RIMS2: variants seen among roughly 807,000 people sequenced by gnomAD.
RIMS2 encodes the protein regulating synaptic membrane exocytosis 2, also known as regulating synaptic membrane exocytosis protein 2.
A neutral mutation model predicts 174.4 loss-of-function variants in RIMS2; 59 were observed. The ratio of observed to expected loss-of-function variants is 0.34; its 90% confidence interval spans 0.27 to 0.42. The LOEUF is 0.42. Ranked by LOEUF, RIMS2 falls within the 10% of genes least tolerant of loss-of-function variation. The pLI is 1.00. For missense variants in RIMS2, 1,620 were observed against 1,666.3 expected (o/e 0.97, Z 0.48); for synonymous variants, 606 against 572.5 (o/e 1.06, Z -0.84).
intron 19 of RIMS2, among the ~76,000 whole-genome samples, chr8:104,138,288 A>G (rs1161486186): frequency 6.6e-6 from 1 of 152,108 alleles, no homozygotes; most frequent in East Asian, 1.9e-4. Context: ...TTGGGTGTAT[A>G]TCTCACAGTG....
At chr8:103,669,697 C>T (rs892651833) in intron 1 of RIMS2, among the ~76,000 whole-genome samples, 3 of 152,252 alleles carry the variant, frequency 2.0e-5, no homozygotes, top group African/African-American at 7.2e-5. Context: ...AAAATGATTT[C>T]TGTTGACTCC....
intron 19 of RIMS2, among the ~76,000 whole-genome samples, chr8:104,128,557 C>T (rs1180490609): frequency 2.0e-5 from 3 of 151,998 alleles, no homozygotes; most frequent in South Asian, 2.1e-4. Context: ...ATTAGCTGGG[C>T]GTAGTGGCAC....
intron 19 of RIMS2, among the ~76,000 whole-genome samples, chr8:104,214,158 T>A (rs1376377612): frequency 6.6e-6 from 1 of 152,192 alleles, no homozygotes; most frequent in Non-Finnish European, 1.5e-5. Context: ...CATTACAGCA[T>A]TTTCCCTTAA....
intron 1 of RIMS2, among the ~76,000 whole-genome samples, chr8:103,671,666 G>T (rs994969022): frequency 2.0e-5 from 3 of 152,116 alleles, no homozygotes; most frequent in African/African-American, 7.2e-5. Context: ...CTGTGGACAA[G>T]AATTAATATG....
At chr8:103,886,909 C>T (rs921882874) in intron 4 of RIMS2, among the ~76,000 whole-genome samples, 1 of 151,586 alleles carries the variant, frequency 6.6e-6, no homozygotes, top group East Asian at 2.0e-4. Context: ...CTTCCATTTG[C>T]CAATGTAAAA....
intron 3 of RIMS2, among the ~76,000 whole-genome samples, chr8:103,834,552 T>G (rs1432064228): frequency 6.6e-6 from 1 of 151,764 alleles, no homozygotes; most frequent in Non-Finnish European, 1.5e-5. Context: ...GCAGTGTTTT[T>G]AATACACATA....
At chr8:103,870,294 T>C (rs1016148350) in intron 3 of RIMS2, among the ~76,000 whole-genome samples, 1 of 151,974 alleles carries the variant, frequency 6.6e-6, no homozygotes, top group African/African-American at 2.4e-5. Flanking sequence ...AATGAATTAG[T>C]GGATACATGT....
chr8:104,163,567 G>T (rs1257846251), intron 19 of RIMS2, among the ~76,000 whole-genome samples: 3 of 152,124 alleles, frequency 2.0e-5, no homozygotes, highest in Non-Finnish European at 4.4e-5. Context: ...CAACCGTGTA[G>T]GATCTGAATT....
intron 1 of RIMS2, among the ~76,000 whole-genome samples, chr8:103,684,092 T>G (rs2096910680): frequency 6.6e-6 from 1 of 152,206 alleles, no homozygotes; most frequent in African/African-American, 2.4e-5. Flanking sequence ...CTATAGTTTA[T>G]TTACAGTAAA....
chr8:104,194,397 A>G (rs1408050735), intron 19 of RIMS2, among the ~76,000 whole-genome samples: 1 of 152,214 alleles, frequency 6.6e-6, no homozygotes, highest in Non-Finnish European at 1.5e-5. Context: ...ATAATCAATG[A>G]TAATTTTTCT....
At chr8:103,790,852 A>T (rs984479210) in intron 3 of RIMS2, among the ~76,000 whole-genome samples, 2 of 152,242 alleles carry the variant, frequency 1.3e-5, no homozygotes, top group Admixed American at 6.5e-5. Flanking sequence ...AAATGGATCT[A>T]TCCAACATTT....
intron 3 of RIMS2, among the ~76,000 whole-genome samples, chr8:103,816,719 C>T (rs1411489351): frequency 6.6e-6 from 1 of 152,140 alleles, no homozygotes; most frequent in East Asian, 1.9e-4. Flanking sequence ...GAAAGCTGCT[C>T]ACTAGCATGG....
At chr8:103,859,811 T>C (rs1049388877) in intron 3 of RIMS2, among the ~76,000 whole-genome samples, 1 of 152,118 alleles carries the variant, frequency 6.6e-6, no homozygotes, top group African/African-American at 2.4e-5. Context: ...TCCAACATCT[T>C]GAAGCTTCAC....
At chr8:103,623,650 A>T (rs1646443781) in intron 1 of RIMS2, among the ~76,000 whole-genome samples, 1 of 139,552 alleles carries the variant, frequency 7.2e-6, no homozygotes, top group East Asian at 2.0e-4. Flanking sequence ...ACGCCCGGCT[A>T]ATTTTTTTTT....
intron 2 of RIMS2, among the ~76,000 whole-genome samples, chr8:103,720,036 A>G (rs917912490): frequency 6.6e-6 from 1 of 152,230 alleles, no homozygotes; most frequent in Non-Finnish European, 1.5e-5. Context: ...TTTATTGTAG[A>G]AGAATAATGT....
At chr8:103,504,161 A>C (rs1288719570) in intron 1 of RIMS2, among the ~76,000 whole-genome samples, 1 of 151,906 alleles carries the variant, frequency 6.6e-6, no homozygotes. Context: ...ATGTCCTTTT[A>C]CTGACTAATG....
At chr8:103,580,324 C>T (rs1257757301) in intron 1 of RIMS2, among the ~76,000 whole-genome samples, 1 of 151,772 alleles carries the variant, frequency 6.6e-6, no homozygotes, top group Non-Finnish European at 1.5e-5. Flanking sequence ...ATAGACTAAG[C>T]TTGAAGGGGT....
chr8:103,801,876 C>T (rs1349858829), intron 3 of RIMS2, among the ~76,000 whole-genome samples: 2 of 152,136 alleles, frequency 1.3e-5, no homozygotes, highest in African/African-American at 2.4e-5. Flanking sequence ...ATGTCATAAT[C>T]GGTGACATTT....
chr8:104,113,261 C>T (rs1444198024), intron 19 of RIMS2, among the ~76,000 whole-genome samples: 1 of 152,020 alleles, frequency 6.6e-6, no homozygotes, highest in African/African-American at 2.4e-5. Flanking sequence ...GAATTCTATT[C>T]CAGTTTGTAT....
Sources: allele counts gnomAD v4.1 joint callset (sites outside exome capture counted in the v4.1 genomes callset), GRCh38; gene constraint gnomAD v4.1.1; transcripts MANE v1.5; gene names NCBI Gene and HGNC (gene_info 2026-07-23, HGNC 2026-07-21).